The following DNAH3 variants were observed in gnomAD, a reference collection of about 807,000 sequenced individuals.
DNAH3 encodes the protein dynein axonemal heavy chain 3.
In DNAH3, 332 loss-of-function variants were observed where a neutral mutation model predicts 432.5. That is an observed-to-expected ratio of 0.77 (90% CI 0.70 to 0.84). The LOEUF (loss-of-function observed/expected upper bound fraction) is 0.84, where lower values mean the gene tolerates loss of function less well. Ranked by LOEUF, DNAH3 falls within the 40% of genes least tolerant of loss-of-function variation. The probability of loss-of-function intolerance (pLI) is 0.00; values close to 1 mark genes in which losing one functional copy is unlikely to be tolerated. For missense variants in DNAH3, 4,861 were observed against 5,114.0 expected, an observed-to-expected ratio of 0.95 and a Z score of 1.51; for synonymous variants, 1,956 against 1,900.2, an observed-to-expected ratio of 1.03 and a Z score of -0.76.
intron 33 of DNAH3, 113 bp from the exon 34 acceptor site, chr16:21,038,093 T>C (rs879763485): frequency 2.4e-4 from 198 of 823,762 alleles, no homozygotes; most frequent in Middle Eastern, 6.9e-4. Flanking sequence ...GCCCATGGAC[T>C]TGATGGAGAA....
At chr16:21,039,254 C>T (rs1051730308) in intron 33 of DNAH3, among the ~76,000 whole-genome samples, 11 of 141,482 alleles carry the variant, frequency 7.8e-5, no homozygotes, top group African/African-American at 2.9e-4. Flanking sequence ...GGTCTCACTC[C>T]GTCACCCAGG....
chr16:21,035,006 G>T (rs1031272278), intron 35 of DNAH3, among the ~76,000 whole-genome samples: 1 of 152,180 alleles, frequency 6.6e-6, no homozygotes, highest in African/African-American at 2.4e-5. Flanking sequence ...CATTCAGGTG[G>T]TTTGAAAGCT....
At chr16:21,006,720 C>T (rs554686925) in intron 41 of DNAH3, among the ~76,000 whole-genome samples, 1 of 152,340 alleles carries the variant, frequency 6.6e-6, no homozygotes, top group East Asian at 1.9e-4. Flanking sequence ...CCAGGCCTAG[C>T]TGTCACCCAG....
At chr16:21,064,751 T>C (rs144597127) in intron 24 of DNAH3, among the ~76,000 whole-genome samples, 7 of 152,334 alleles carry the variant, frequency 4.6e-5, no homozygotes, top group South Asian at 2.1e-4. Flanking sequence ...TAGCAATCTG[T>C]ATTTTCAAGA....
chr16:20,940,199 C>G (rs1026293573), intron 59 of DNAH3, among the ~76,000 whole-genome samples: 2 of 152,162 alleles, frequency 1.3e-5, no homozygotes, highest in African/African-American at 4.8e-5. Flanking sequence ...CAACCTTGGG[C>G]AAGTCTTAAC....
At chr16:21,029,661 C>T (rs561321977) in intron 37 of DNAH3, among the ~76,000 whole-genome samples, 1 of 152,290 alleles carries the variant, frequency 6.6e-6, no homozygotes, top group African/African-American at 2.4e-5. Flanking sequence ...TACTGTGGCG[C>T]CATACTTACT....
chr16:21,066,798 T>G (rs2090567795), intron 24 of DNAH3, among the ~76,000 whole-genome samples: 1 of 152,196 alleles, frequency 6.6e-6, no homozygotes, highest in Non-Finnish European at 1.5e-5. Flanking sequence ...AATTGACTGG[T>G]GTTTCTTAAA....
chr16:21,079,921 C>T (rs987850438), intron 20 of DNAH3, among the ~76,000 whole-genome samples: 1 of 152,326 alleles, frequency 6.6e-6, no homozygotes. Flanking sequence ...ATTAGACCTG[C>T]TCTGGTGCAG....
chr16:21,117,993 T>C (rs977517833), intron 11 of DNAH3, among the ~76,000 whole-genome samples: 1 of 152,092 alleles, frequency 6.6e-6, no homozygotes, highest in Non-Finnish European at 1.5e-5. Flanking sequence ...TTTTTTTGTT[T>C]TGTTTTGTTT....
chr16:21,141,266 C>G, intron 4 of DNAH3, 34 bp downstream of exon 5: 1 of 1,490,520 alleles, frequency 6.7e-7, no homozygotes, highest in East Asian at 2.4e-5. Context: ...AGCCCACCGT[C>G]CTGCCTTCTC....
intron 57 of DNAH3, among the ~76,000 whole-genome samples, chr16:20,948,259 T>G (rs180759452): frequency 6.6e-5 from 10 of 151,980 alleles, no homozygotes; most frequent in African/African-American, 1.9e-4. Flanking sequence ...CCCAGATGGA[T>G]CCTATATTTT....
At chr16:21,154,219 C>T (rs1369463641) in intron 1 of DNAH3, among the ~76,000 whole-genome samples, 2 of 152,202 alleles carry the variant, frequency 1.3e-5, no homozygotes, top group Non-Finnish European at 2.9e-5. Flanking sequence ...ACCTGGCCAA[C>T]ATGGTGAAAC....
At chr16:20,939,815 GCCCA>G (rs2083737514) in intron 59 of DNAH3, among the ~76,000 whole-genome samples, 1 of 152,098 alleles carries the variant, frequency 6.6e-6, no homozygotes, top group Admixed American at 6.6e-5. Context: ...ATAAGTTTTA[GCCCA>G]CTTGGCTCTG....
chr16:21,033,947 C>T (rs763231899), intron 36 of DNAH3, 27 bp downstream of exon 36: 12 of 1,559,216 alleles, frequency 7.7e-6, no homozygotes, highest in Admixed American at 5.0e-5. Context: ...TTCTGTCCTC[C>T]CTGGAAGCCA....
At chr16:20,947,224 C>A (rs750806700) in intron 57 of DNAH3, among the ~76,000 whole-genome samples, 2 of 151,910 alleles carry the variant, frequency 1.3e-5, no homozygotes, top group Admixed American at 6.6e-5. Flanking sequence ...AGACTGGGTG[C>A]GGGGAGCTTC....
At position 21,049,684 on chromosome 16, in the gene DNAH3, T is replaced by G. The variant is rs766743925; in HGVS notation, c.4348-2A>C. ...ATCGGAGCAGTTGAAGACCACACAC[T>G]AGAAAGAGGGAGGATGTGGGTATCA... On this transcript the variant is annotated splice_acceptor_variant, in intron 30 of 61. Transcript: ENST00000261383. LOFTEE classifies it high-confidence loss of function. 164 of 1,613,018 alleles carry G rather than the reference T, an allele frequency of 1.0e-4. No individual in the cohort carries two copies. Among genetic ancestry groups the G allele is most frequent in the Non-Finnish European group, 1.4e-4 (163 of 1,179,146 alleles).
chr16:21,136,563 GTT>G, intron 5 of DNAH3, 50 bp from the exon 7 acceptor site: 1 of 1,553,498 alleles, frequency 6.4e-7, no homozygotes, highest in Non-Finnish European at 8.9e-7. Context: ...TGGATCATGG[GTT>G]CAACTGTCCT....
chr16:20,933,670 C>T (rs1223837481), intron 61 of DNAH3, among the ~76,000 whole-genome samples, 163 bp from the exon 62 acceptor site: 2 of 152,226 alleles, frequency 1.3e-5, no homozygotes, highest in Non-Finnish European at 2.9e-5. Flanking sequence ...TTCCTGCCCA[C>T]CATACATGGG....
At chr16:21,149,517 G>A (rs1454296696) in intron 1 of DNAH3, among the ~76,000 whole-genome samples, 2 of 152,162 alleles carry the variant, frequency 1.3e-5, no homozygotes, top group Non-Finnish European at 2.9e-5. Flanking sequence ...TGTTCTTCAT[G>A]GAGGCCATTC....
Sources: gnomAD v4.1 joint callset for allele counts (sites outside exome capture counted in the v4.1 genomes callset) on GRCh38, gnomAD v4.1.1 for gene constraint, MANE v1.5 for transcripts, NCBI Gene and HGNC (gene_info 2026-07-23, HGNC 2026-07-21) for gene names.